The following LRRC8C variants were observed in gnomAD, a reference collection of about 807,000 sequenced individuals.
LRRC8C encodes the protein volume-regulated anion channel subunit LRRC8C.
LRRC8C carries 20 observed loss-of-function variants against 55.3 expected under a neutral mutation model. The ratio of observed to expected loss-of-function variants is 0.36; its 90% CI spans 0.25 to 0.53. LRRC8C has a LOEUF of 0.53. LRRC8C is among the 20% of genes least tolerant of loss of function. The pLI is 0.92. For missense variants in LRRC8C, 659 were observed against 951.4 expected (o/e 0.69, Z 4.04); for synonymous variants, 376 against 360.7 (o/e 1.04, Z -0.48).
At chr1:89,636,826 T>A (rs1281111467) in intron 1 of LRRC8C, among the ~76,000 whole-genome samples, 2 of 152,242 alleles carry the variant, frequency 1.3e-5, no homozygotes, top group Non-Finnish European at 2.9e-5. Context: ...AATGCTATTT[T>A]AAAATTTTTT....
At chr1:89,616,114 T>C in the LRRC8C span, among the ~76,000 whole-genome samples, 25 of 152,112 alleles carry the variant, frequency 1.6e-4, no homozygotes, top group African/African-American at 5.8e-4. Flanking sequence ...TCCTACTCCC[T>C]TGTGCCTCCA....
chr1:89,645,046 G>T (rs1205431665), intron 1 of LRRC8C, among the ~76,000 whole-genome samples: 5 of 152,086 alleles, frequency 3.3e-5, no homozygotes, highest in Non-Finnish European at 5.9e-5. Context: ...TCATTATCAA[G>T]ACAAAATACA....
the LRRC8C span, among the ~76,000 whole-genome samples, chr1:89,624,045 A>G: frequency 3.9e-5 from 6 of 152,214 alleles, no homozygotes; most frequent in Non-Finnish European, 8.8e-5. Flanking sequence ...TTTTTATATC[A>G]GTTCCTGGAG....
chr1:89,652,803 AGGG>A (rs1227977392), intron 1 of LRRC8C, among the ~76,000 whole-genome samples: 1 of 152,144 alleles, frequency 6.6e-6, no homozygotes, highest in Non-Finnish European at 1.5e-5. Context: ...TCACAGGAGA[AGGG>A]GGAATCGTTG....
intron 1 of LRRC8C, among the ~76,000 whole-genome samples, chr1:89,682,520 T>C (rs1415215052): frequency 6.6e-6 from 1 of 152,182 alleles, no homozygotes; most frequent in Non-Finnish European, 1.5e-5. Context: ...ACCTAGACCT[T>C]TTTAAGGGAC....
At chr1:89,633,637 G>A (rs1656197895) in intron 1 of LRRC8C, among the ~76,000 whole-genome samples, 1 of 149,266 alleles carries the variant, frequency 6.7e-6, no homozygotes, top group Non-Finnish European at 1.5e-5. Context: ...GCGGGGGTGG[G>A]GGGGCGGTCC....
intron 2 of LRRC8C, among the ~76,000 whole-genome samples, chr1:89,692,483 G>T (rs1557663407): frequency 6.6e-6 from 1 of 152,182 alleles, no homozygotes; most frequent in Non-Finnish European, 1.5e-5. Flanking sequence ...AATACTGGGG[G>T]ATTAAGGAGA....
intron 1 of LRRC8C, among the ~76,000 whole-genome samples, chr1:89,634,909 G>C (rs963678214): frequency 1.3e-5 from 2 of 152,116 alleles, no homozygotes; most frequent in South Asian, 4.2e-4. Context: ...TGCAAAGATG[G>C]ATATTTGCCA....
At chr1:89,639,418 T>C (rs967221143) in intron 1 of LRRC8C, among the ~76,000 whole-genome samples, 4 of 152,232 alleles carry the variant, frequency 2.6e-5, no homozygotes, top group African/African-American at 9.6e-5. Flanking sequence ...GCTTGGGTTC[T>C]TTAGGTAGCA....
At chr1:89,677,192 C>T (rs1008826837) in intron 1 of LRRC8C, among the ~76,000 whole-genome samples, 1 of 152,092 alleles carries the variant, frequency 6.6e-6, no homozygotes, top group Non-Finnish European at 1.5e-5. Context: ...CCACACCCAC[C>T]AACACCCTTA....
intron 1 of LRRC8C, among the ~76,000 whole-genome samples, chr1:89,645,958 C>CAGATAGAT (rs57855698): frequency 0.042 from 6,370 of 150,254 alleles, 349 homozygotes; most frequent in African/African-American, 0.13. Context: ...GGAAGATGAT[C>CAGATAGAT]AGATAGATAG....
intron 1 of LRRC8C, among the ~76,000 whole-genome samples, chr1:89,653,273 A>G (rs1656839696): frequency 6.6e-6 from 1 of 152,258 alleles, no homozygotes; most frequent in Non-Finnish European, 1.5e-5. Flanking sequence ...TAAAATAACA[A>G]TAATGCCACT....
At chr1:89,639,901 G>A (rs574509530) in intron 1 of LRRC8C, among the ~76,000 whole-genome samples, 2 of 152,124 alleles carry the variant, frequency 1.3e-5, no homozygotes, top group Non-Finnish European at 2.9e-5. Flanking sequence ...TAAGAGACAT[G>A]TAAATATTTC....
chr1:89,661,350 GC>G, intron 1 of LRRC8C: 1 of 346,978 alleles, frequency 2.9e-6, no homozygotes, highest in Non-Finnish European at 5.7e-6. Context: ...ATTGAACAAT[GC>G]CAGACACGAG....
At chr1:89,654,151 T>C (rs1255205978) in intron 1 of LRRC8C, among the ~76,000 whole-genome samples, 2 of 152,202 alleles carry the variant, frequency 1.3e-5, no homozygotes, top group African/African-American at 4.8e-5. Flanking sequence ...GAGGCCATTT[T>C]CTTAAGTGAA....
upstream of LRRC8C, among the ~76,000 whole-genome samples, chr1:89,629,292 C>T (rs1656047154): frequency 6.6e-6 from 1 of 152,180 alleles, no homozygotes. Flanking sequence ...TCAGCCTCTT[C>T]CCACAAAGCT....
At chr1:89,661,396 A>G (rs574723620) in intron 1 of LRRC8C, 136 of 314,598 alleles carry the variant, frequency 4.3e-4, no homozygotes, top group African/African-American at 2.8e-3. Flanking sequence ...AGCTCCAATG[A>G]ATACAAAGAG....
chr1:89,619,761 T>C, the LRRC8C span, among the ~76,000 whole-genome samples: 2 of 152,142 alleles, frequency 1.3e-5, no homozygotes, highest in Non-Finnish European at 2.9e-5. Flanking sequence ...TAAATATTAA[T>C]AAAAATTAAT....
upstream of LRRC8C, among the ~76,000 whole-genome samples, chr1:89,631,233 G>A (rs760905741): frequency 6.6e-6 from 1 of 152,124 alleles, no homozygotes; most frequent in Non-Finnish European, 1.5e-5. Context: ...CTATAGGGAT[G>A]ATAAGGGGAT....
Sources: gnomAD v4.1 joint callset for allele counts (sites outside exome capture counted in the v4.1 genomes callset) on GRCh38, gnomAD v4.1.1 for gene constraint, MANE v1.5 for transcripts, NCBI Gene and HGNC (gene_info 2026-07-23, HGNC 2026-07-21) for gene names.